The following CLMP variants were observed in gnomAD, a reference collection of about 807,000 sequenced individuals.
The protein encoded by CLMP is CXADR-like membrane protein.
Under a neutral mutation model 45.2 loss-of-function variants are expected in CLMP, and 27 were observed. The ratio of observed to expected loss-of-function variants is 0.60; its 90% confidence interval spans 0.44 to 0.82. The LOEUF (loss-of-function observed/expected upper bound fraction) is 0.82, where lower values mean the gene tolerates loss of function less well. Among genes scored for constraint, CLMP ranks in the 40% least tolerant of loss-of-function variants. CLMP has a pLI of 0.00. For missense variants in CLMP, 403 were observed against 448.4 expected (o/e 0.90, Z 0.91); for synonymous variants, 167 against 171.4 (o/e 0.97, Z 0.20).
chr11:123,123,238 T>C (rs1860842901), intron 1 of CLMP, among the ~76,000 whole-genome samples: 1 of 149,446 alleles, frequency 6.7e-6, no homozygotes, highest in South Asian at 2.1e-4. Flanking sequence ...GATTTTTTTC[T>C]TTTCTTTCTT....
intron 5 of CLMP, among the ~76,000 whole-genome samples, chr11:123,082,382 C>T (rs1865815869): frequency 6.6e-6 from 1 of 152,138 alleles, no homozygotes; most frequent in South Asian, 2.1e-4. Flanking sequence ...CATCTCGGCT[C>T]ACTGCAACCT....
At chr11:123,114,281 C>T (rs1714004957) in intron 1 of CLMP, among the ~76,000 whole-genome samples, 1 of 152,138 alleles carries the variant, frequency 6.6e-6, no homozygotes, top group Non-Finnish European at 1.5e-5. Context: ...TAGTTTTATC[C>T]TGCCCCTTCC....
intron 1 of CLMP, among the ~76,000 whole-genome samples, chr11:123,185,857 C>A (rs1861828135): frequency 6.6e-6 from 1 of 152,224 alleles, no homozygotes; most frequent in South Asian, 2.1e-4. Flanking sequence ...GTTTTCCTTT[C>A]CTCCTATTTA....
intron 1 of CLMP, among the ~76,000 whole-genome samples, chr11:123,106,968 C>T (rs993897177): frequency 5.3e-5 from 8 of 150,024 alleles, no homozygotes; most frequent in Non-Finnish European, 1.0e-4. Flanking sequence ...TGCAGTGAGC[C>T]GGATTGAGCC....
chr11:123,089,008 T>C (rs768287632), intron 2 of CLMP, among the ~76,000 whole-genome samples: 6 of 152,212 alleles, frequency 3.9e-5, no homozygotes, highest in Non-Finnish European at 7.4e-5. Context: ...TCTTAGTAGC[T>C]GTGGTCCAAA....
intron 1 of CLMP, among the ~76,000 whole-genome samples, chr11:123,143,463 A>C (rs1327239771): frequency 6.6e-6 from 1 of 151,188 alleles, no homozygotes; most frequent in East Asian, 1.9e-4. Context: ...GCAGACTGGA[A>C]TTAGAAGTAC....
At chr11:123,161,276 A>G (rs1360313996) in intron 1 of CLMP, among the ~76,000 whole-genome samples, 1 of 152,226 alleles carries the variant, frequency 6.6e-6, no homozygotes, top group Non-Finnish European at 1.5e-5. Context: ...GATGGAGCAA[A>G]TAATTTAACC....
chr11:123,177,958 G>A (rs1189887716), intron 1 of CLMP, among the ~76,000 whole-genome samples: 5 of 152,170 alleles, frequency 3.3e-5, no homozygotes, highest in Admixed American at 6.5e-5. Flanking sequence ...CGCCTCCCGG[G>A]TTCAAGCGAT....
chr11:123,097,783 G>A lies in CLMP; in HGVS notation c.186+12C>T, dbSNP rs1015313410. On this transcript the variant is annotated intron_variant, in intron 2 of 6. Transcript: ENST00000448775. ...AAGAAGGAGGAGGGACTCCAGCCAG[G>A]TGTCTACTTACCACTTTTTGGTTCC... 4 of 1,567,660 alleles carry A rather than the reference G, an allele frequency of 2.6e-6. No homozygotes were observed. The highest frequency in any genetic ancestry group is 3.6e-5 in the Admixed American group (2 of 55,200).
intron 1 of CLMP, among the ~76,000 whole-genome samples, chr11:123,180,147 G>A (rs1861750395): frequency 6.6e-6 from 1 of 152,234 alleles, no homozygotes; most frequent in African/African-American, 2.4e-5. Context: ...GTGAGTACAT[G>A]AGCATCTCTG....
chr11:123,177,718 C>T (rs1303360887), intron 1 of CLMP, among the ~76,000 whole-genome samples: 1 of 152,014 alleles, frequency 6.6e-6, no homozygotes, highest in African/African-American at 2.4e-5. Context: ...GGGTTTATGA[C>T]ACATGTTTAA....
At chr11:123,151,493 G>A (rs1382595432) in intron 1 of CLMP, among the ~76,000 whole-genome samples, 5 of 152,122 alleles carry the variant, frequency 3.3e-5, no homozygotes, top group South Asian at 2.1e-4. Flanking sequence ...TTTATTAAGC[G>A]TCTAACTACA....
intron 1 of CLMP, among the ~76,000 whole-genome samples, chr11:123,141,497 T>C (rs1427951958): frequency 2.0e-5 from 3 of 152,152 alleles, no homozygotes; most frequent in Non-Finnish European, 4.4e-5. Flanking sequence ...CATTCCTTGA[T>C]AGCAATGCAA....
chr11:123,083,906 T>A, intron 3 of CLMP, 59 bp from the exon 4 acceptor site: 1 of 1,587,856 alleles, frequency 6.3e-7, no homozygotes, highest in Non-Finnish European at 8.6e-7. Flanking sequence ...AACACCAGAT[T>A]CAATGGAAAA....
At chr11:123,167,813 C>T (rs1194241384) in intron 1 of CLMP, among the ~76,000 whole-genome samples, 1 of 152,202 alleles carries the variant, frequency 6.6e-6, no homozygotes, top group Non-Finnish European at 1.5e-5. Flanking sequence ...TTGAAGATCT[C>T]AAGGAAAGGG....
intron 1 of CLMP, among the ~76,000 whole-genome samples, chr11:123,175,177 A>G (rs1163818836): frequency 6.6e-6 from 1 of 152,152 alleles, no homozygotes; most frequent in Non-Finnish European, 1.5e-5. Context: ...ACACTGCTAT[A>G]AAGAACTTCC....
chr11:123,159,335 G>A (rs1369117789), intron 1 of CLMP, among the ~76,000 whole-genome samples: 4 of 152,178 alleles, frequency 2.6e-5, no homozygotes, highest in African/African-American at 7.2e-5. Flanking sequence ...ACGGAGCTGC[G>A]CTTGGCCCGG....
Position 123,154,801 on chromosome 11 carries a change from G to A in CLMP, c.28+40112C>T, listed in dbSNP as rs574519413. On this transcript the variant is annotated intron_variant, in intron 1 of 6. Coordinates refer to ENST00000448775, the MANE Select transcript of CLMP (RefSeq NM_024769.5). Reference sequence around the variant, plus strand: ...ATTGTGAAGGCCCAGATTTTCACTCGCTGATCAGATGTTCTGATGGGCAGT... The same window carrying A: ...ATTGTGAAGGCCCAGATTTTCACTCACTGATCAGATGTTCTGATGGGCAGT... Among the ~76,000 whole-genome samples, 5 of 152,218 alleles carry A rather than the reference G, an allele frequency of 3.3e-5. No individual in the cohort carries two copies. In the South Asian group the frequency reaches 6.2e-4, roughly 19 times the overall value.
At chr11:123,101,211 G>A (rs1030318136) in intron 1 of CLMP, among the ~76,000 whole-genome samples, 1 of 152,140 alleles carries the variant, frequency 6.6e-6, no homozygotes, top group African/African-American at 2.4e-5. Flanking sequence ...TGGGTTCAAG[G>A]CATTCTCCTG....
Sources: gnomAD v4.1 joint callset for allele counts (sites outside exome capture counted in the v4.1 genomes callset) on GRCh38, gnomAD v4.1.1 for gene constraint, MANE v1.5 for transcripts, NCBI Gene and HGNC (gene_info 2026-07-23, HGNC 2026-07-21) for gene names.